Variants in ARHGAP15 observed in about 807,000 individuals in gnomAD.
ARHGAP15 encodes Rho GTPase activating protein 15.
Under a neutral mutation model 63.7 loss-of-function variants are expected in ARHGAP15, and 51 were observed. That is an observed-to-expected ratio of 0.80 (90% CI 0.64 to 1.01). The LOEUF is 1.01. Among genes scored for constraint, ARHGAP15 ranks in the 50% least tolerant of loss-of-function variants. The pLI, the probability that ARHGAP15 is intolerant of heterozygous loss-of-function variation, is 0.00. For missense variants in ARHGAP15, 560 were observed against 564.6 expected (o/e 0.99, Z 0.08); for synonymous variants, 191 against 193.8 (o/e 0.99, Z 0.12).
At chr2:143,428,576 A>G (rs1185904541) in intron 6 of ARHGAP15, among the ~76,000 whole-genome samples, 1 of 152,178 alleles carries the variant, frequency 6.6e-6, no homozygotes, top group East Asian at 1.9e-4. Flanking sequence ...ATGGTAGTAT[A>G]TATAGTAAAA....
chr2:143,286,449 ACT>A (rs1207806053), intron 6 of ARHGAP15, among the ~76,000 whole-genome samples: 3 of 152,134 alleles, frequency 2.0e-5, no homozygotes, highest in African/African-American at 4.8e-5. Context: ...TTGTAATTTG[ACT>A]CTCTTGAAAT....
intron 10 of ARHGAP15, among the ~76,000 whole-genome samples, chr2:143,554,119 C>T (rs952260943): frequency 6.6e-6 from 1 of 152,010 alleles, no homozygotes; most frequent in African/African-American, 2.4e-5. Context: ...TATCTTTAAT[C>T]ACTGTAAATA....
intron 6 of ARHGAP15, among the ~76,000 whole-genome samples, chr2:143,293,317 G>T (rs1215937851): frequency 3.3e-5 from 5 of 151,984 alleles, no homozygotes; most frequent in African/African-American, 1.2e-4. Context: ...CATTTATTAG[G>T]TCCTCATACA....
chr2:143,288,714 C>T (rs1413973652), intron 6 of ARHGAP15, among the ~76,000 whole-genome samples: 2 of 151,584 alleles, frequency 1.3e-5, no homozygotes, highest in Non-Finnish European at 2.9e-5. Flanking sequence ...GGCAAAATCC[C>T]TAAGATCTTG....
At chr2:143,430,963 T>A (rs1689361473) in intron 6 of ARHGAP15, among the ~76,000 whole-genome samples, 1 of 152,046 alleles carries the variant, frequency 6.6e-6, no homozygotes, top group East Asian at 1.9e-4. Flanking sequence ...GCGAAAGGTA[T>A]TTGTTCAAGT....
chr2:143,472,468 G>T (rs1266410092), intron 8 of ARHGAP15, among the ~76,000 whole-genome samples: 1 of 151,994 alleles, frequency 6.6e-6, no homozygotes, highest in African/African-American at 2.4e-5. Flanking sequence ...GATTCCTAGG[G>T]CTCTTCCTAT....
chr2:143,601,798 C>A (rs1400906), intron 11 of ARHGAP15, among the ~76,000 whole-genome samples: 1 of 151,922 alleles, frequency 6.6e-6, no homozygotes, highest in Admixed American at 6.6e-5. Flanking sequence ...TCAATTGTTC[C>A]TGACTTTCTT....
chr2:143,275,131 C>A (rs1448950361), intron 6 of ARHGAP15, among the ~76,000 whole-genome samples: 3 of 152,092 alleles, frequency 2.0e-5, no homozygotes, highest in African/African-American at 7.2e-5. Flanking sequence ...GCACTCCAGC[C>A]CGGACAACAG....
At chr2:143,612,527 C>T (rs985433739) in intron 11 of ARHGAP15, among the ~76,000 whole-genome samples, 3 of 152,162 alleles carry the variant, frequency 2.0e-5, no homozygotes, top group African/African-American at 7.2e-5. Context: ...GTGTGGGAGA[C>T]GTTTCATCTG....
chr2:143,189,957 C>T (rs533831637), intron 2 of ARHGAP15, among the ~76,000 whole-genome samples: 3 of 151,694 alleles, frequency 2.0e-5, no homozygotes, highest in South Asian at 2.1e-4. Context: ...AGTTTTTGTT[C>T]GCTTGTTTCC....
intron 10 of ARHGAP15, among the ~76,000 whole-genome samples, chr2:143,537,242 A>G (rs1694818127): frequency 6.6e-6 from 1 of 151,884 alleles, no homozygotes; most frequent in African/African-American, 2.4e-5. Context: ...TTTTTCTTGT[A>G]AATTTCTTTG....
chr2:143,676,627 C>G (rs1682838427), intron 12 of ARHGAP15: 3 of 152,136 alleles, frequency 2.0e-5, no homozygotes, highest in Admixed American at 2.0e-4. Flanking sequence ...GTGGAGCAGT[C>G]AGAACACATG....
chr2:143,489,931 C>T (rs1351427997), intron 9 of ARHGAP15, among the ~76,000 whole-genome samples: 1 of 152,174 alleles, frequency 6.6e-6, no homozygotes, highest in Non-Finnish European at 1.5e-5. Context: ...TGGGCCTTAA[C>T]AATTGTGCTT....
At chr2:143,131,870 C>T (rs1042274778) in intron 1 of ARHGAP15, among the ~76,000 whole-genome samples, 1 of 152,030 alleles carries the variant, frequency 6.6e-6, no homozygotes, top group Non-Finnish European at 1.5e-5. Context: ...TTTTGTTAAC[C>T]ATTGGTCCTG....
intron 6 of ARHGAP15, among the ~76,000 whole-genome samples, chr2:143,378,469 A>G (rs951348242): frequency 2.6e-5 from 4 of 152,020 alleles, no homozygotes; most frequent in East Asian, 3.9e-4. Flanking sequence ...ATCAAACCCA[A>G]TATCTTTCCT....
chr2:143,326,508 G>A (rs976591736), intron 6 of ARHGAP15, among the ~76,000 whole-genome samples: 1 of 152,132 alleles, frequency 6.6e-6, no homozygotes, highest in Non-Finnish European at 1.5e-5. Context: ...TTCATTCACT[G>A]AGTCTTTTGT....
chr2:143,196,074 T>C (rs989891482), intron 2 of ARHGAP15, among the ~76,000 whole-genome samples: 7 of 152,106 alleles, frequency 4.6e-5, no homozygotes, highest in African/African-American at 1.7e-4. Flanking sequence ...AAAAACTTAA[T>C]TATGATCCAT....
intron 2 of ARHGAP15, among the ~76,000 whole-genome samples, chr2:143,180,919 G>A (rs750885035): frequency 2.0e-5 from 3 of 151,982 alleles, no homozygotes; most frequent in African/African-American, 2.4e-5. Context: ...GTGATCCGTC[G>A]CCTCGGCCTC....
intron 9 of ARHGAP15, among the ~76,000 whole-genome samples, chr2:143,499,841 A>G (rs1692975239): frequency 6.6e-6 from 1 of 152,108 alleles, no homozygotes; most frequent in Admixed American, 6.6e-5. Flanking sequence ...TTATTCTCCT[A>G]AGAACAATTA....
Sources: gnomAD v4.1 joint callset for allele counts (sites outside exome capture counted in the v4.1 genomes callset) on GRCh38, gnomAD v4.1.1 for gene constraint, MANE v1.5 for transcripts, NCBI Gene and HGNC (gene_info 2026-07-23, HGNC 2026-07-21) for gene names.